CNTNAP2: variants seen among roughly 807,000 people sequenced by gnomAD.
CNTNAP2 encodes contactin associated protein 2, also known as contactin-associated protein-like 2.
CNTNAP2 carries 98 observed loss-of-function variants against 155.2 expected under a neutral mutation model. That is an observed-to-expected ratio of 0.63 (90% confidence interval 0.54 to 0.75). The LOEUF (loss-of-function observed/expected upper bound fraction) is 0.75, where lower values mean the gene tolerates loss of function less well. Ranked by LOEUF, CNTNAP2 falls within the 30% of genes least tolerant of loss-of-function variation. The pLI, the probability that CNTNAP2 is intolerant of heterozygous loss-of-function variation, is 0.00. For missense variants in CNTNAP2, 1,727 were observed against 1,688.1 expected (o/e 1.02, Z -0.40); for synonymous variants, 651 against 631.2 (o/e 1.03, Z -0.47).
chr7:147,538,548 G>A (rs1291090797), intron 11 of CNTNAP2, among the ~76,000 whole-genome samples: 2 of 152,062 alleles, frequency 1.3e-5, no homozygotes, highest in South Asian at 4.1e-4. Context: ...TACTCGGGAG[G>A]CTGAGGCAGG....
intron 1 of CNTNAP2, among the ~76,000 whole-genome samples, chr7:146,625,775 C>A (rs1166196535): frequency 6.6e-6 from 1 of 151,892 alleles, no homozygotes; most frequent in East Asian, 1.9e-4. Flanking sequence ...TTCAGTAATT[C>A]TCATAAGTAA....
chr7:148,148,097 A>C (rs141644787), intron 17 of CNTNAP2, among the ~76,000 whole-genome samples: 168 of 137,066 alleles, frequency 1.2e-3, no homozygotes, highest in East Asian at 5.2e-3. Context: ...GGAGAGAGGG[A>C]GGGAGGGAGG....
intron 12 of CNTNAP2, among the ~76,000 whole-genome samples, chr7:147,573,272 C>A (rs1490792632): frequency 6.6e-6 from 1 of 152,172 alleles, no homozygotes; most frequent in African/African-American, 2.4e-5. Context: ...TACGTACAGA[C>A]AATTTCATTA....
At position 148,330,790 on chromosome 7, in the gene CNTNAP2, A is replaced by G. The variant is rs200966325; in HGVS notation, c.3476-52859A>G. On this transcript the variant is annotated intron_variant, in intron 21 of 23. Coordinates refer to ENST00000361727, the MANE Select transcript of CNTNAP2 (RefSeq NM_014141.6). ...ATGGACAGATGGAGTTGATGGATGG[A>G]ATGGATGGATGGATGGATGGAGTGG... is the stretch of plus-strand genomic sequence containing the variant. Among the ~76,000 whole-genome samples, 10 of 132,126 alleles carry G rather than the reference A, an allele frequency of 7.6e-5. No homozygotes were observed. In the South Asian group the frequency reaches 7.8e-4, roughly 10 times the overall value. The allele number at this position is 132,126 out of a possible 152,430, so 86.7% of individuals were successfully genotyped here.
chr7:146,231,015 A>AAAATAAATAAAT (rs71527791), intron 1 of CNTNAP2, among the ~76,000 whole-genome samples: 124 of 80,654 alleles, frequency 1.5e-3, no homozygotes, highest in African/African-American at 2.2e-3. Flanking sequence ...ACTTTGTCTC[A>AAAATAAATAAAT]AAATAAATAA....
chr7:146,566,104 A>C (rs1798353242), intron 1 of CNTNAP2, among the ~76,000 whole-genome samples: 1 of 152,194 alleles, frequency 6.6e-6, no homozygotes, highest in Non-Finnish European at 1.5e-5. Context: ...TTGCTGGTGT[A>C]GGCTCTGGGA....
At position 147,302,952 on chromosome 7, in the gene CNTNAP2, C is replaced by A. The variant is rs1017626848; in HGVS notation, c.1498+2662C>A. Among the ~76,000 whole-genome samples the A allele has an allele frequency of 4.6e-5, 7 of 152,316 alleles. No homozygotes were observed. The South Asian group carries it at 1.4e-3, about 32-fold the overall frequency. ...AGTGAGGTCCCAGCTCTCTAACTTG[C>A]TGCACCTTGAATCAAATGTTCTCCC... On this transcript the variant is annotated intron_variant, in intron 9 of 23. Coordinates refer to ENST00000361727, the MANE Select transcript of CNTNAP2 (RefSeq NM_014141.6).
In CNTNAP2 at chr7:146,985,308, A is replaced by ATTTTTTTTTTTTTTTT. The variant is rs71165057; in HGVS notation, c.403-58585_403-58570dup. ...CAAAGTGCTTGTGGAAAATGCTTGA[A>ATTTTTTTTTTTTTTTT]TTTTTTTTTTTTTTTTTTTTTTTTT... On this transcript the variant is annotated intron_variant, in intron 3 of 23. Transcript: ENST00000361727. Among the ~76,000 whole-genome samples, 5 of 127,824 alleles carry ATTTTTTTTTTTTTTTT rather than the reference A, an allele frequency of 3.9e-5. 1 individual carries two copies. Among genetic ancestry groups the ATTTTTTTTTTTTTTTT allele is most frequent in the African/African-American group, 1.6e-4 (5 of 31,960 alleles). The allele number at this position is 127,824 out of a possible 152,430, so 83.9% of individuals were successfully genotyped here.
chr7:148,321,301 A>T (rs923379906), intron 21 of CNTNAP2, among the ~76,000 whole-genome samples: 7 of 152,198 alleles, frequency 4.6e-5, no homozygotes, highest in African/African-American at 1.7e-4. Flanking sequence ...TAGGATTCTA[A>T]ATCCAGCACA....
chr7:146,132,083 A>T (rs925905311), intron 1 of CNTNAP2, among the ~76,000 whole-genome samples: 1 of 152,324 alleles, frequency 6.6e-6, no homozygotes, highest in East Asian at 1.9e-4. Flanking sequence ...CATTGCGAGA[A>T]TGGACTAATA....
chr7:146,199,099 T>G (rs1798819827), intron 1 of CNTNAP2, among the ~76,000 whole-genome samples: 1 of 152,202 alleles, frequency 6.6e-6, no homozygotes, highest in South Asian at 2.1e-4. Flanking sequence ...CTGTAAGTTC[T>G]TATTCATATC....
chr7:147,532,016 C>G (rs1201661344), intron 11 of CNTNAP2, among the ~76,000 whole-genome samples: 1 of 151,966 alleles, frequency 6.6e-6, no homozygotes, highest in East Asian at 1.9e-4. Context: ...ACCATGTTAG[C>G]CAGGATGGTC....
chr7:146,516,125 A>G (rs900829611), intron 1 of CNTNAP2, among the ~76,000 whole-genome samples: 7 of 151,982 alleles, frequency 4.6e-5, no homozygotes, highest in Non-Finnish European at 1.5e-5. Flanking sequence ...AAGTAATGAG[A>G]CAGAGTAGCT....
intron 8 of CNTNAP2, among the ~76,000 whole-genome samples, chr7:147,246,899 A>G (rs1345646937): frequency 6.6e-6 from 1 of 152,214 alleles, no homozygotes; most frequent in Non-Finnish European, 1.5e-5. Context: ...AAAATGAAAG[A>G]AAGGCAAATT....
At chr7:148,174,655 G>T (rs755283123) in intron 18 of CNTNAP2, among the ~76,000 whole-genome samples, 2 of 152,164 alleles carry the variant, frequency 1.3e-5, no homozygotes, top group Non-Finnish European at 2.9e-5. Context: ...ATGCATACAC[G>T]CAGAGATGAG....
At chr7:147,788,219 A>G (rs1797766340) in intron 13 of CNTNAP2, among the ~76,000 whole-genome samples, 1 of 152,234 alleles carries the variant, frequency 6.6e-6, no homozygotes. Flanking sequence ...CTACTGGAGT[A>G]TAGATTGCTC....
At chr7:148,155,165 T>C (rs1805374976) in intron 17 of CNTNAP2, among the ~76,000 whole-genome samples, 1 of 152,136 alleles carries the variant, frequency 6.6e-6, no homozygotes, top group African/African-American at 2.4e-5. Context: ...CATTAAAGAT[T>C]AGTTGACTTA....
intron 13 of CNTNAP2, among the ~76,000 whole-genome samples, chr7:147,679,071 G>T (rs1165857743): frequency 1.3e-5 from 2 of 151,780 alleles, no homozygotes; most frequent in Non-Finnish European, 2.9e-5. Context: ...TATGTTTATT[G>T]TTAATGAAAG....
At chr7:146,543,409 T>C (rs2129141401) in intron 1 of CNTNAP2, among the ~76,000 whole-genome samples, 1 of 151,912 alleles carries the variant, frequency 6.6e-6, no homozygotes, top group Non-Finnish European at 1.5e-5. Flanking sequence ...CTCATTCCCC[T>C]TTCCATTCAG....
Sources: allele counts gnomAD v4.1 joint callset (sites outside exome capture counted in the v4.1 genomes callset), GRCh38; gene constraint gnomAD v4.1.1; transcripts MANE v1.5; gene names NCBI Gene and HGNC (gene_info 2026-07-23, HGNC 2026-07-21).